Variants in MRC1 observed in about 807,000 individuals in gnomAD.
MRC1 encodes macrophage mannose receptor 1.
In MRC1, 62 loss-of-function variants were observed where a neutral mutation model predicts 102.9. The observed-to-expected ratio is 0.60, with a 90% CI of 0.49 to 0.74. The LOEUF (loss-of-function observed/expected upper bound fraction) is 0.74. Among genes scored for constraint, MRC1 ranks in the 30% least tolerant of loss-of-function variants. The pLI is 0.00. For synonymous variants in MRC1, 457 were observed against 298.4 expected, an observed-to-expected ratio of 1.53 and a Z score of -5.48; for missense variants, 1,237 against 862.8, an observed-to-expected ratio of 1.43 and a Z score of -5.43.
chr10:17,835,531 T>C (rs543030317), intron 4 of MRC1, among the ~76,000 whole-genome samples: 2 of 152,236 alleles, frequency 1.3e-5, no homozygotes, highest in African/African-American at 4.8e-5. Flanking sequence ...CTGAAGGCCA[T>C]GTGGAGATCG....
chr10:17,899,351 T>C (rs1020178815), intron 24 of MRC1, among the ~76,000 whole-genome samples: 2 of 152,238 alleles, frequency 1.3e-5, no homozygotes, highest in Admixed American at 6.5e-5. Context: ...TTTGTTTTCT[T>C]CTCACAGACA....
chr10:17,838,585 A>C (rs1169295340), intron 4 of MRC1, among the ~76,000 whole-genome samples: 2 of 151,898 alleles, frequency 1.3e-5, no homozygotes, highest in Non-Finnish European at 2.9e-5. Flanking sequence ...TAAAAAAAAC[A>C]GTGTAATATT....
chr10:17,897,858 A>G (rs1275575577), intron 23 of MRC1, among the ~76,000 whole-genome samples, 176 bp from the exon 24 acceptor site: 1 of 152,206 alleles, frequency 6.6e-6, no homozygotes, highest in Non-Finnish European at 1.5e-5. Context: ...AGGGATACTG[A>G]TGAAAAAATG....
rs1833360786 is a variant in MRC1, at chr10:17,871,971, T to A, written c.2200-11T>A. On this transcript the variant is annotated splice_polypyrimidine_tract_variant and intron_variant, in intron 14 of 29. Coordinates refer to ENST00000569591, the MANE Select transcript of MRC1 (RefSeq NM_002438.4). Reference sequence around the variant, plus strand: ...ATGGTTAATGGTTGTAGTTTAATGTTTCTAATATAGGTTTCATATGAAAAC... The same window carrying A: ...ATGGTTAATGGTTGTAGTTTAATGTATCTAATATAGGTTTCATATGAAAAC... 1.3e-6 allele frequency: 1 copy of A among 780,150 alleles called. No individual in the cohort carries two copies. The highest frequency in any genetic ancestry group is 2.4e-6 in the Non-Finnish European group (1 of 417,692). The allele number at this position is 780,150 out of a possible 1,614,324, so 48.3% of individuals were successfully genotyped here. A position where few individuals can be genotyped will look rare whatever the true frequency, so the allele number is the denominator to read the frequency against.
chr10:17,850,033 T>C (rs1838890100), intron 7 of MRC1, among the ~76,000 whole-genome samples: 1 of 152,172 alleles, frequency 6.6e-6, no homozygotes, highest in South Asian at 2.1e-4. Flanking sequence ...AAAACATTAT[T>C]TTTTTCATGC....
chr10:17,861,154 A>C (rs1174786921), intron 9 of MRC1, among the ~76,000 whole-genome samples: 1 of 152,150 alleles, frequency 6.6e-6, no homozygotes, highest in African/African-American at 2.4e-5. Context: ...TACTAAAAAG[A>C]CAGAAAAATT....
At position 17,877,916 on chromosome 10, in the gene MRC1, C is replaced by T; in HGVS notation, c.2567C>T (p.Ala856Val). Residue 856 changes from alanine (A) to valine (V), a missense_variant, in exon 18 of 30, where the codon GCA becomes GTA. Transcript: ENST00000569591. ...ATGTTTCAGGTAAACAGAAATGATGCACAGTCTGCATATTTTATTGGTTTA... is the reference window on the plus strand; with the variant it reads ...ATGTTTCAGGTAAACAGAAATGATGTACAGTCTGCATATTTTATTGGTTTA... ...FLWKYVNRND[A>V]QSAYFIGLLI... is the part of the protein sequence containing the mutation. The T allele has an allele frequency of 2.3e-6, 2 of 872,046 alleles. No individual in the cohort carries two copies. The highest frequency in any genetic ancestry group is 2.6e-5 in the South Asian group (2 of 76,520). 54.0% of individuals were successfully genotyped at this position (872,046 alleles called of 1,614,324 possible).
At chr10:17,909,605 C>T (rs1362117630) in intron 29 of MRC1, among the ~76,000 whole-genome samples, 2 of 151,580 alleles carry the variant, frequency 1.3e-5, no homozygotes, top group African/African-American at 4.8e-5. Flanking sequence ...TGCCTTGAAC[C>T]CATGGAAGAA....
At chr10:17,890,160 C>T (rs1486730674) in intron 22 of MRC1, among the ~76,000 whole-genome samples, 1 of 152,052 alleles carries the variant, frequency 6.6e-6, no homozygotes, top group African/African-American at 2.4e-5. Context: ...TTCTTGCTTG[C>T]GTGGTTTCTG....
In MRC1 at chr10:17,898,271, G is replaced by A; in HGVS notation, c.3483+5G>A. The stretch of plus-strand genomic sequence containing the variant: ...ATCGCCCTGAACAGTAACTTGGTAA[G>A]ATGCTGGAAATATGTGCAACTTGAC... On this transcript the variant is annotated splice_donor_5th_base_variant and intron_variant, in intron 24 of 29. Transcript: ENST00000569591. The A allele has an allele frequency of 1.3e-6, 1 of 779,826 alleles. No individual in the cohort carries two copies. The allele number at this position is 779,826 out of a possible 1,614,324, so 48.3% of individuals were successfully genotyped here.
chr10:17,892,051 G>A (rs1833686443), intron 22 of MRC1, among the ~76,000 whole-genome samples: 1 of 152,180 alleles, frequency 6.6e-6, no homozygotes, highest in Non-Finnish European at 1.5e-5. Flanking sequence ...TTTTCTCCTA[G>A]GTTAGTTAAC....
chr10:17,829,378 C>T (rs1564611751), intron 3 of MRC1, among the ~76,000 whole-genome samples: 1 of 151,350 alleles, frequency 6.6e-6, no homozygotes, highest in Non-Finnish European at 1.5e-5. Flanking sequence ...AATTTCTGAG[C>T]CCCATATACT....
At chr10:17,822,488 G>A (rs966530904) in intron 1 of MRC1, among the ~76,000 whole-genome samples, 2 of 152,092 alleles carry the variant, frequency 1.3e-5, no homozygotes, top group East Asian at 3.9e-4. Context: ...GGTTATGGTG[G>A]TACAAGCCTG....
At chr10:17,834,918 C>T (rs944686364) in intron 4 of MRC1, among the ~76,000 whole-genome samples, 18 of 152,228 alleles carry the variant, frequency 1.2e-4, no homozygotes, top group African/African-American at 4.1e-4. Flanking sequence ...TTTCTGGACA[C>T]GGCTATATTA....
At chr10:17,866,488 A>G (rs1833269555) in intron 11 of MRC1, 74 bp from the exon 12 acceptor site, 1 of 780,672 alleles carries the variant, frequency 1.3e-6, no homozygotes, top group South Asian at 1.3e-5. Flanking sequence ...CTCGGTTCTG[A>G]GTGCCTTCTG....
intron 12 of MRC1, among the ~76,000 whole-genome samples, chr10:17,868,574 C>G (rs1192718946): frequency 6.6e-6 from 1 of 152,192 alleles, no homozygotes; most frequent in Non-Finnish European, 1.5e-5. Context: ...AACCCTGTTA[C>G]CTACCTACTG....
chr10:17,857,811 G>C (rs1833117836), intron 9 of MRC1, among the ~76,000 whole-genome samples: 1 of 152,168 alleles, frequency 6.6e-6, no homozygotes. Context: ...GAAATCACAG[G>C]CTTGTTGTTG....
chr10:17,879,347 G>T (rs934231333), intron 18 of MRC1, among the ~76,000 whole-genome samples: 8 of 152,148 alleles, frequency 5.3e-5, no homozygotes, highest in Non-Finnish European at 8.8e-5. Flanking sequence ...CCACCAGTAG[G>T]CTGTAGCCAA....
At chr10:17,872,362 A>G (rs1425797151) in intron 15 of MRC1, among the ~76,000 whole-genome samples, 1 of 152,204 alleles carries the variant, frequency 6.6e-6, no homozygotes, top group Admixed American at 6.5e-5. Flanking sequence ...GTCCTTCCAA[A>G]TAGTTCCCAC....
Sources: gnomAD v4.1 joint callset for allele counts (sites outside exome capture counted in the v4.1 genomes callset) on GRCh38, gnomAD v4.1.1 for gene constraint, MANE v1.5 for transcripts, NCBI Gene and HGNC (gene_info 2026-07-23, HGNC 2026-07-21) for gene names.